Variants in SNTG1 observed in about 807,000 individuals in gnomAD.
SNTG1 encodes the protein gamma-1-syntrophin.
SNTG1 carries 39 observed loss-of-function variants against 74.7 expected under a neutral mutation model. The ratio of observed to expected loss-of-function variants is 0.52; its 90% CI spans 0.40 to 0.68. The LOEUF is 0.68. Among genes scored for constraint, SNTG1 ranks in the 30% least tolerant of loss-of-function variants. The pLI is 0.00. For synonymous variants in SNTG1, 254 were observed against 217.1 expected (o/e 1.17, Z -1.49); for missense variants, 685 against 609.5 (o/e 1.12, Z -1.30).
chr8:50,651,068 T>C (rs2095142446), intron 13 of SNTG1, among the ~76,000 whole-genome samples: 3 of 152,210 alleles, frequency 2.0e-5, no homozygotes. Flanking sequence ...AATTATAATA[T>C]CTGTAGGATC....
chr8:50,075,515 C>G (rs145034287), intron 1 of SNTG1, among the ~76,000 whole-genome samples: 2 of 152,154 alleles, frequency 1.3e-5, no homozygotes, highest in African/African-American at 2.4e-5. Context: ...CCCGTCAAAA[C>G]GGACCAATCA....
chr8:50,509,632 A>T (rs1179070725), intron 9 of SNTG1, among the ~76,000 whole-genome samples: 2 of 151,986 alleles, frequency 1.3e-5, no homozygotes, highest in Non-Finnish European at 2.9e-5. Context: ...GGTCCTTCAC[A>T]TCCTTTCTAA....
intron 4 of SNTG1, among the ~76,000 whole-genome samples, chr8:50,404,497 C>T (rs1177237285): frequency 6.6e-6 from 1 of 151,922 alleles, no homozygotes; most frequent in Admixed American, 6.6e-5. Flanking sequence ...TTTATTCTAC[C>T]TGATTTCAGC....
intron 3 of SNTG1, among the ~76,000 whole-genome samples, chr8:50,399,374 T>C (rs2092771317): frequency 6.6e-6 from 1 of 152,228 alleles, no homozygotes; most frequent in Non-Finnish European, 1.5e-5. Flanking sequence ...TACATAGTAT[T>C]TAAGTGAATG....
chr8:50,670,766 G>A (rs1305998895), intron 15 of SNTG1, among the ~76,000 whole-genome samples: 2 of 149,336 alleles, frequency 1.3e-5, no homozygotes, highest in Non-Finnish European at 3.0e-5. Context: ...CAAAGCTGGA[G>A]GCATCACGCT....
chr8:49,945,314 A>C (rs1029815488), intron 1 of SNTG1, among the ~76,000 whole-genome samples: 2 of 152,154 alleles, frequency 1.3e-5, no homozygotes, highest in African/African-American at 2.4e-5. Flanking sequence ...TGCAATGTGG[A>C]ACTTTTGGGA....
chr8:50,195,989 C>A (rs978142828), intron 2 of SNTG1, among the ~76,000 whole-genome samples: 3 of 152,156 alleles, frequency 2.0e-5, no homozygotes, highest in Non-Finnish European at 4.4e-5. Flanking sequence ...CAATAATTTT[C>A]ATGGGGATCT....
At chr8:50,533,555 AAAAT>A (rs1268878670) in intron 10 of SNTG1, among the ~76,000 whole-genome samples, 3 of 152,026 alleles carry the variant, frequency 2.0e-5, no homozygotes, top group East Asian at 3.9e-4. Flanking sequence ...CTTTTATGCA[AAAAT>A]AAATAAACTA....
At chr8:50,782,933 C>T (rs1204238734) in intron 18 of SNTG1, among the ~76,000 whole-genome samples, 2 of 152,174 alleles carry the variant, frequency 1.3e-5, no homozygotes, top group South Asian at 2.1e-4. Context: ...ACAGGATCCT[C>T]TGCTGCATGT....
chr8:50,167,294 A>G (rs1041915353), intron 1 of SNTG1, among the ~76,000 whole-genome samples: 9 of 149,158 alleles, frequency 6.0e-5, no homozygotes, highest in African/African-American at 2.2e-4. Flanking sequence ...AAAAAGAAAA[A>G]AAAAAGATTA....
At chr8:50,320,407 T>C (rs1302567856) in intron 2 of SNTG1, among the ~76,000 whole-genome samples, 3 of 152,158 alleles carry the variant, frequency 2.0e-5, no homozygotes, top group Admixed American at 2.0e-4. Context: ...TCTCTTTTTT[T>C]CATAGTTAGT....
At chr8:50,508,389 A>C (rs956206425) in intron 9 of SNTG1, among the ~76,000 whole-genome samples, 1 of 152,174 alleles carries the variant, frequency 6.6e-6, no homozygotes, top group South Asian at 2.1e-4. Context: ...ATACGTGTGC[A>C]TGTGTCTTTA....
intron 1 of SNTG1, among the ~76,000 whole-genome samples, chr8:49,986,642 G>A (rs1188870014): frequency 6.6e-6 from 1 of 151,738 alleles, no homozygotes; most frequent in Non-Finnish European, 1.5e-5. Flanking sequence ...GGAGGCCAAG[G>A]AGGGCAGATT....
At chr8:50,446,200 C>T (rs1293068952) in intron 5 of SNTG1, among the ~76,000 whole-genome samples, 3 of 152,158 alleles carry the variant, frequency 2.0e-5, no homozygotes, top group African/African-American at 7.2e-5. Flanking sequence ...AGGCCCTGCA[C>T]TAAATCTAAT....
chr8:50,728,219 A>G (rs1228450022), intron 17 of SNTG1, among the ~76,000 whole-genome samples: 2 of 152,070 alleles, frequency 1.3e-5, no homozygotes, highest in African/African-American at 4.8e-5. Context: ...TTCTCATAGT[A>G]TATCTCCTAG....
rs903167757 is a variant in SNTG1 at position 50,552,933 on chromosome 8, A to G, written c.681-117A>G. The G allele has an allele frequency of 6.7e-5, 84 of 1,260,246 alleles. 2 individuals are homozygous for G. Among genetic ancestry groups the G allele is most frequent in the Middle Eastern group, 6.0e-4 (3 of 5,038 alleles). The allele number at this position is 1,260,246 out of a possible 1,614,324, so 78.1% of individuals were successfully genotyped here. ...TATAAAGTCAGGTAACCAAATATGA[A>G]TTTGGAGGCTGATATTTATATTGTA... On this transcript the variant is annotated intron_variant, in intron 11 of 18. Transcript: ENST00000642720.
intron 5 of SNTG1, among the ~76,000 whole-genome samples, chr8:50,448,168 G>C (rs928083047): frequency 2.6e-5 from 4 of 152,146 alleles, no homozygotes; most frequent in Admixed American, 2.6e-4. Context: ...GAGGGGTGCG[G>C]TGCATGAATA....
At chr8:50,101,529 T>C (rs1484887751) in intron 1 of SNTG1, among the ~76,000 whole-genome samples, 4 of 151,982 alleles carry the variant, frequency 2.6e-5, no homozygotes, top group Non-Finnish European at 1.5e-5. Flanking sequence ...TAATGATTAG[T>C]GATGGGGAGT....
intron 1 of SNTG1, among the ~76,000 whole-genome samples, chr8:49,932,125 C>T (rs1212529844): frequency 6.6e-6 from 1 of 152,054 alleles, no homozygotes; most frequent in African/African-American, 2.4e-5. Context: ...GCTTCAAATC[C>T]CTTTTGTGGA....
Sources: gnomAD v4.1 joint callset for allele counts (sites outside exome capture counted in the v4.1 genomes callset) on GRCh38, gnomAD v4.1.1 for gene constraint, MANE v1.5 for transcripts, NCBI Gene and HGNC (gene_info 2026-07-23, HGNC 2026-07-21) for gene names.